WDR35: variants seen among roughly 807,000 people sequenced by gnomAD.
The protein encoded by WDR35 is WD repeat domain 35, also known as WD repeat-containing protein 35.
Under a neutral mutation model 158.3 loss-of-function variants are expected in WDR35, and 118 were observed. The observed-to-expected ratio is 0.75, with a 90% CI of 0.64 to 0.87. The LOEUF is 0.87. Ranked by LOEUF, WDR35 falls within the 40% of genes least tolerant of loss-of-function variation. The probability of loss-of-function intolerance (pLI) is 0.00; values close to 1 mark genes in which losing one functional copy is unlikely to be tolerated. For synonymous variants in WDR35, 448 were observed against 476.1 expected, an observed-to-expected ratio of 0.94 and a Z score of 0.77; for missense variants, 1,263 against 1,405.8, an observed-to-expected ratio of 0.90 and a Z score of 1.62.
chr2:19,926,183 G>A (rs182345206), intron 25 of WDR35, among the ~76,000 whole-genome samples: 98 of 151,806 alleles, frequency 6.5e-4, no homozygotes, highest in African/African-American at 2.1e-3. Context: ...GCCTTCTCCT[G>A]CTATAATTCC....
chr2:19,917,547 T>C (rs578017792), intron 25 of WDR35, among the ~76,000 whole-genome samples: 3 of 152,258 alleles, frequency 2.0e-5, no homozygotes, highest in South Asian at 4.1e-4. Context: ...GAGAAGAACA[T>C]AAATGACCTG....
At chr2:19,955,882 C>T (rs929777328) in intron 11 of WDR35, among the ~76,000 whole-genome samples, 8 of 152,066 alleles carry the variant, frequency 5.3e-5, no homozygotes, top group Admixed American at 5.2e-4. Flanking sequence ...TTTTTATATG[C>T]TAAATAACTC....
At chr2:19,936,155 G>T in intron 20 of WDR35, 64 bp downstream of exon 20, 1 of 1,608,224 alleles carries the variant, frequency 6.2e-7, no homozygotes, top group Non-Finnish European at 8.5e-7. Context: ...ACTTCCTAGA[G>T]AAGTACTCAG....
intron 25 of WDR35, among the ~76,000 whole-genome samples, chr2:19,916,268 C>G (rs1489419379): frequency 6.6e-6 from 1 of 152,206 alleles, no homozygotes; most frequent in Non-Finnish European, 1.5e-5. Context: ...CTTTCGCTGC[C>G]CACGCCACCG....
chr2:19,928,940 G>A (rs1181499562), intron 25 of WDR35, among the ~76,000 whole-genome samples: 2 of 152,008 alleles, frequency 1.3e-5, no homozygotes, highest in Non-Finnish European at 2.9e-5. Flanking sequence ...CCAAGTAGCT[G>A]GGACTACAGG....
chr2:19,922,440 AC>A (rs1670197368), intron 25 of WDR35, among the ~76,000 whole-genome samples: 1 of 152,134 alleles, frequency 6.6e-6, no homozygotes, highest in Non-Finnish European at 1.5e-5. Context: ...GAAGCTGGAA[AC>A]CATCATTCTC....
intron 2 of WDR35, among the ~76,000 whole-genome samples, chr2:19,983,232 G>C (rs71435539): frequency 2.0e-5 from 3 of 152,122 alleles, no homozygotes; most frequent in Non-Finnish European, 4.4e-5. Flanking sequence ...AGATAGCCAG[G>C]AAAGGTAGAG....
rs1335311600 is a variant in WDR35, at chr2:19,973,671, G to T, written c.774C>A (p.Gly258=). The change falls in exon 8 of 27, where the codon GGC becomes GGA. Residue 258 remains glycine, a synonymous_variant. Transcript: ENST00000281405. ...VLIDTGMYVV[G]IQWNHMGSVL... ...CGCTGCCCATGTGGTTCCACTGGAT[G>T]CCTACTACGTACATGCCAGTGTCAA... 6.2e-7 allele frequency: 1 copy of T among 1,614,186 alleles called. No individual in the cohort carries two copies. Among genetic ancestry groups the T allele is most frequent in the Non-Finnish European group, 8.5e-7 (1 of 1,180,026 alleles).
At chr2:19,973,867 G>A (rs1047696022) in intron 7 of WDR35, among the ~76,000 whole-genome samples, 159 bp from the exon 8 acceptor site, 1 of 152,236 alleles carries the variant, frequency 6.6e-6, no homozygotes, top group African/African-American at 2.4e-5. Context: ...CAACACTTTA[G>A]GAGGCTGAGG....
intron 25 of WDR35, among the ~76,000 whole-genome samples, chr2:19,917,002 G>T (rs1670010021): frequency 6.6e-6 from 1 of 152,158 alleles, no homozygotes; most frequent in Non-Finnish European, 1.5e-5. Context: ...GACAGCATTG[G>T]CTGGCATCTG....
intron 25 of WDR35, among the ~76,000 whole-genome samples, chr2:19,926,776 C>G (rs917240727): frequency 3.3e-5 from 5 of 152,278 alleles, no homozygotes; most frequent in Middle Eastern, 3.4e-3. Flanking sequence ...AAAATAATAA[C>G]TTGGGGTAGA....
chr2:19,946,831 C>T (rs554490877), intron 14 of WDR35, among the ~76,000 whole-genome samples: 22 of 152,074 alleles, frequency 1.4e-4, no homozygotes, highest in African/African-American at 5.1e-4. Context: ...TTTGGCAATA[C>T]ACAAATTCTT....
At chr2:19,919,398 AG>A (rs71391744) in intron 25 of WDR35, among the ~76,000 whole-genome samples, 3,389 of 83,212 alleles carry the variant, frequency 0.041, 229 homozygotes, top group African/African-American at 0.11. Context: ...AAAAAAAAAA[AG>A]AAAAGAAAAA....
At chr2:19,922,825 G>A (rs772878950) in intron 25 of WDR35, among the ~76,000 whole-genome samples, 1 of 152,188 alleles carries the variant, frequency 6.6e-6, no homozygotes, top group Non-Finnish European at 1.5e-5. Flanking sequence ...GCAGCACTGT[G>A]ACAGGTTCAT....
intron 14 of WDR35, among the ~76,000 whole-genome samples, chr2:19,947,829 A>G (rs1433834512): frequency 6.6e-6 from 1 of 152,226 alleles, no homozygotes; most frequent in African/African-American, 2.4e-5. Flanking sequence ...TCATCCCTGT[A>G]CTGCTTTCAT....
intron 25 of WDR35, among the ~76,000 whole-genome samples, chr2:19,918,356 A>G (rs1356318327): frequency 6.6e-6 from 1 of 152,238 alleles, no homozygotes; most frequent in Non-Finnish European, 1.5e-5. Context: ...ATAACCAGCT[A>G]GCATCATAAT....
intron 17 of WDR35, among the ~76,000 whole-genome samples, chr2:19,939,928 G>A (rs1237411150): frequency 6.6e-6 from 1 of 151,582 alleles, no homozygotes; most frequent in Non-Finnish European, 1.5e-5. Flanking sequence ...AGTCACCTTA[G>A]TTTGATTCTA....
rs1670684480 is a variant in WDR35, at chr2:19,936,133, T to C, written c.2414+86A>G. The stretch of plus-strand genomic sequence containing the variant: ...TAGAATTCAAGAAAATGATCTTCAT[T>C]TCCCCAGGATTACTTCCTAGAGAAG... On this transcript the variant is annotated intron_variant, in intron 20 of 26. Coordinates refer to ENST00000281405, the MANE Select transcript of WDR35 (RefSeq NM_020779.4). The C allele has an allele frequency of 3.2e-6, 5 of 1,580,672 alleles. No homozygotes were observed. The Admixed American group carries it at 5.3e-5, about 17-fold the overall frequency.
intron 23 of WDR35, 49 bp from the exon 24 acceptor site, chr2:19,931,458 T>C (rs1408383423): frequency 6.9e-6 from 11 of 1,601,564 alleles, no homozygotes; most frequent in Non-Finnish European, 7.7e-6. Context: ...TCTATATTTG[T>C]ACAAATACAA....
Sources: allele counts gnomAD v4.1 joint callset (sites outside exome capture counted in the v4.1 genomes callset), GRCh38; gene constraint gnomAD v4.1.1; transcripts MANE v1.5; gene names NCBI Gene and HGNC (gene_info 2026-07-23, HGNC 2026-07-21).